TUT4: variants seen among roughly 807,000 people sequenced by gnomAD.
TUT4 encodes terminal uridylyltransferase 4.
In TUT4, 36 loss-of-function variants were observed where a neutral mutation model predicts 192.2. That is an observed-to-expected ratio of 0.19 (90% confidence interval 0.14 to 0.25). TUT4 has a LOEUF of 0.25. TUT4 is among the 10% of genes least tolerant of loss of function. The pLI is 1.00. For missense variants in TUT4, 1,493 were observed against 1,957.2 expected (o/e 0.76, Z 4.47); for synonymous variants, 618 against 666.0 (o/e 0.93, Z 1.11).
intron 28 of TUT4, among the ~76,000 whole-genome samples, chr1:52,427,497 T>C (rs1650373602): frequency 6.6e-6 from 1 of 152,204 alleles, no homozygotes; most frequent in African/African-American, 2.4e-5. Context: ...AGCTGATACA[T>C]CAAAGGGCAA....
intron 7 of TUT4, among the ~76,000 whole-genome samples, chr1:52,493,306 C>T (rs576186918): frequency 2.6e-5 from 4 of 152,236 alleles, no homozygotes; most frequent in East Asian, 3.9e-4. Context: ...TGGTCCCAAA[C>T]GCCTGACCTC....
At position 52,468,187 on chromosome 1, in the gene TUT4, A is replaced by G; in HGVS notation, c.2959T>C (p.Tyr987His). The change falls in exon 15 of 30, where the codon TAT becomes CAT. Residue 987 changes from tyrosine to histidine, a missense_variant. By Grantham distance (83) the Tyr-to-His change is moderately conservative. This residue lies in a region of TUT4 where 59 missense variants were observed against 114.3 expected (regional missense o/e 0.52). Coordinates refer to ENST00000257177, the MANE Select transcript of TUT4 (RefSeq NM_001009881.3). ...IGLEKFIQKEYDEKARLCLFG... is the reference protein window; with the variant it reads ...IGLEKFIQKEHDEKARLCLFG... ...TTTTTAACCTATGACATACCATCATATTCTTTTTGAATAAACTTTTCCAAG... is the reference window on the plus strand; with the variant it reads ...TTTTTAACCTATGACATACCATCATGTTCTTTTTGAATAAACTTTTCCAAG... The G allele has an allele frequency of 6.2e-7, 1 of 1,608,190 alleles. No individual in the cohort carries two copies. Among genetic ancestry groups the G allele is most frequent in the Non-Finnish European group, 8.5e-7 (1 of 1,177,826 alleles).
intron 8 of TUT4, 53 bp downstream of exon 8, chr1:52,490,679 A>C (rs1008146333): frequency 1.3e-6 from 2 of 1,501,182 alleles, no homozygotes; most frequent in Non-Finnish European, 1.8e-6. Context: ...TTCACTACAA[A>C]TTTGGTTGTT....
rs1455275589 is a variant in TUT4, at chr1:52,475,232, C to T, written c.2327G>A (p.Cys776Tyr). 2 of 1,614,166 alleles carry T rather than the reference C, an allele frequency of 1.2e-6. No homozygotes were observed. Among genetic ancestry groups the T allele is most frequent in the South Asian group, 2.2e-5 (2 of 91,078 alleles). ...CDEMDCTSQR[C>Y]IIDNNNLLVN... ...CAACAAATTGTTGTTGTCAATAATA[C>T]ATCTCTGTGATGTACAGTCCATTTC... Residue 776 changes from cysteine to tyrosine, a missense_variant, in exon 13 of 30, where the codon TGT becomes TAT. Coordinates refer to ENST00000257177, the MANE Select transcript of TUT4 (RefSeq NM_001009881.3).
intron 2 of TUT4, among the ~76,000 whole-genome samples, chr1:52,522,691 T>C (rs1481065920): frequency 1.3e-5 from 2 of 152,054 alleles, no homozygotes; most frequent in Admixed American, 6.5e-5. Context: ...TTTGGGAGGC[T>C]GAGGCAGGCG....
intron 20 of TUT4, among the ~76,000 whole-genome samples, chr1:52,448,848 TC>T (rs1658430437): frequency 6.6e-6 from 1 of 152,206 alleles, no homozygotes; most frequent in Admixed American, 6.5e-5. Flanking sequence ...ACAATCCAAC[TC>T]TTTAGATCAT....
In TUT4 at chr1:52,441,855, T is replaced by C. The variant is rs185127434; in HGVS notation, c.3823-3520A>G. The stretch of plus-strand genomic sequence containing the variant: ...ACAGAAGAGTGCACAGGAAGGACTG[T>C]GGCACAAAGCAATTCAAGGTATATG... On this transcript the variant is annotated intron_variant, in intron 24 of 29. Transcript: ENST00000257177. Among the ~76,000 whole-genome samples the C allele has an allele frequency of 1.0e-3, 157 of 152,186 alleles. 2 individuals carry two copies. The highest frequency in any genetic ancestry group is 3.5e-3 in the African/African-American group (147 of 41,544).
At chr1:52,507,190 C>T (rs1201661654) in intron 4 of TUT4, among the ~76,000 whole-genome samples, 1 of 152,192 alleles carries the variant, frequency 6.6e-6, no homozygotes, top group East Asian at 1.9e-4. Flanking sequence ...TATGCATGCA[C>T]CAATCAGCAT....
chr1:52,448,086 C>T (rs1265879400), intron 20 of TUT4, among the ~76,000 whole-genome samples: 1 of 152,002 alleles, frequency 6.6e-6, no homozygotes, highest in Non-Finnish European at 1.5e-5. Context: ...TCTCTGAAAC[C>T]CAGAACCCTA....
chr1:52,513,845 C>T (rs527555671), intron 3 of TUT4, among the ~76,000 whole-genome samples: 1 of 152,208 alleles, frequency 6.6e-6, no homozygotes, highest in Non-Finnish European at 1.5e-5. Flanking sequence ...TAGATCATGG[C>T]ACATAAAAGG....
rs566290739 is a variant in TUT4, at chr1:52,512,231, A to G, written c.883-2519T>C. 9.2e-5 allele frequency among the ~76,000 whole-genome samples: 14 copies of G among 152,348 alleles called. No homozygotes were observed. The South Asian group carries it at 2.7e-3, about 29-fold the overall frequency. Reference sequence around the variant, plus strand: ...AGCCTGATTCTATCTCCTTATTTATAATAGAAAACTGCCCCACCTGGTAAA... The same window carrying G: ...AGCCTGATTCTATCTCCTTATTTATGATAGAAAACTGCCCCACCTGGTAAA... On this transcript the variant is annotated intron_variant, in intron 3 of 29. Transcript: ENST00000257177.
rs1423485436 is a variant in TUT4, at chr1:52,525,820, G to C, written c.461C>G (p.Pro154Arg). ...CTTTTCTGCTTCTGCTGGTGAACTT[G>C]GTACTTTTTCTGACTTCATCTGATA... is the stretch of plus-strand genomic sequence containing the variant. ...SSYQMKSEKV[P>R]SSPAEAEKGP... is the part of the protein sequence containing the mutation. Residue 154 changes from proline to arginine, a missense_variant, in exon 2 of 30, where the codon CCA becomes CGA. Pro to Arg is a moderately radical substitution (Grantham distance 103). Coordinates refer to ENST00000257177, the MANE Select transcript of TUT4 (RefSeq NM_001009881.3). 1.2e-6 allele frequency: 2 copies of C among 1,614,098 alleles called. No individual in the cohort carries two copies. The highest frequency in any genetic ancestry group is 1.7e-6 in the Non-Finnish European group (2 of 1,180,020).
chr1:52,532,843 CAT>C (rs1683864041), intron 1 of TUT4, among the ~76,000 whole-genome samples: 1 of 152,172 alleles, frequency 6.6e-6, no homozygotes, highest in African/African-American at 2.4e-5. Context: ...TTCCTGAGCA[CAT>C]GACTAGTCTA....
chr1:52,489,069 T>C, intron 8 of TUT4, 34 bp from the exon 9 acceptor site: 2 of 1,586,962 alleles, frequency 1.3e-6, no homozygotes. Context: ...TTCATTGTAT[T>C]AATACCCTTA....
intron 11 of TUT4, among the ~76,000 whole-genome samples, chr1:52,478,955 T>A (rs896018829): frequency 6.6e-6 from 1 of 152,138 alleles, no homozygotes; most frequent in Non-Finnish European, 1.5e-5. Context: ...ACATCTTTAG[T>A]AAGTAAATTA....
intron 28 of TUT4, among the ~76,000 whole-genome samples, chr1:52,430,019 A>T (rs1461622658): frequency 6.6e-6 from 1 of 152,084 alleles, no homozygotes; most frequent in African/African-American, 2.4e-5. Flanking sequence ...ATTTTCTTAA[A>T]TATGCAGTTT....
At chr1:52,520,021 A>T (rs1193180319) in intron 2 of TUT4, among the ~76,000 whole-genome samples, 1 of 152,160 alleles carries the variant, frequency 6.6e-6, no homozygotes, top group Non-Finnish European at 1.5e-5. Flanking sequence ...CCTATCTCAA[A>T]AAAAGAAGGC....
At chr1:52,491,461 G>A (rs1441707263) in intron 7 of TUT4, among the ~76,000 whole-genome samples, 1 of 152,046 alleles carries the variant, frequency 6.6e-6, no homozygotes, top group African/African-American at 2.4e-5. Context: ...AGGCCGAGGT[G>A]GGTGGATCAC....
intron 27 of TUT4, 156 bp from the exon 28 acceptor site, chr1:52,431,616 T>G: frequency 1.8e-6 from 1 of 550,956 alleles, no homozygotes; most frequent in Non-Finnish European, 2.8e-6. Flanking sequence ...TCAAACCCCC[T>G]TTTCAAGTAG....
Sources: gnomAD v4.1 joint callset for allele counts (sites outside exome capture counted in the v4.1 genomes callset) on GRCh38, gnomAD v4.1.1 for gene constraint, gnomAD v4.1.1 regional missense constraint, MANE v1.5 for transcripts, NCBI Gene and HGNC (gene_info 2026-07-23, HGNC 2026-07-21) for gene names.